MCTP2: variants seen among roughly 807,000 people sequenced by gnomAD.
MCTP2 encodes the protein multiple C2 and transmembrane domain-containing protein 2.
Under a neutral mutation model 111.6 loss-of-function variants are expected in MCTP2, and 132 were observed. The ratio of observed to expected loss-of-function variants is 1.18; its 90% confidence interval spans 1.03 to 1.37. The LOEUF (loss-of-function observed/expected upper bound fraction) is 1.37, where lower values mean the gene tolerates loss of function less well. Among genes scored for constraint, MCTP2 ranks in the 40% most tolerant of loss-of-function variants. MCTP2 has a pLI of 0.00. For synonymous variants in MCTP2, 395 were observed against 387.7 expected (o/e 1.02, Z -0.22); for missense variants, 1,183 against 1,067.9 (o/e 1.11, Z -1.50).
intron 4 of MCTP2, among the ~76,000 whole-genome samples, chr15:94,324,315 C>T (rs983669319): frequency 1.3e-5 from 2 of 152,194 alleles, no homozygotes; most frequent in Non-Finnish European, 2.9e-5. Flanking sequence ...AAACAATAGC[C>T]CTCGCTTTAA....
At chr15:94,382,014 C>A (rs1022887827) in intron 12 of MCTP2, among the ~76,000 whole-genome samples, 4 of 152,370 alleles carry the variant, frequency 2.6e-5, no homozygotes, top group Admixed American at 2.6e-4. Flanking sequence ...CACTTTCATT[C>A]ACAGAAGCTA....
chr15:94,265,299 G>A (rs1369848490), intron 1 of MCTP2, among the ~76,000 whole-genome samples: 1 of 152,144 alleles, frequency 6.6e-6, no homozygotes, highest in Non-Finnish European at 1.5e-5. Context: ...AAAGGCAACA[G>A]GGGTTATATG....
chr15:94,313,675 T>C (rs2076249584), intron 2 of MCTP2, among the ~76,000 whole-genome samples: 1 of 151,706 alleles, frequency 6.6e-6, no homozygotes, highest in African/African-American at 2.4e-5. Flanking sequence ...CACTCCAGCC[T>C]GGGCGACAGA....
chr15:94,404,304 GT>G (rs796532680), intron 17 of MCTP2, among the ~76,000 whole-genome samples: 18,255 of 136,502 alleles, frequency 0.13, 977 homozygotes, highest in African/African-American at 0.18. Flanking sequence ...ATTTTTTATT[GT>G]TTTTTTTTTT....
chr15:94,235,973 A>G (rs146889428), intron 1 of MCTP2, among the ~76,000 whole-genome samples: 215 of 152,392 alleles, frequency 1.4e-3, no homozygotes, highest in African/African-American at 4.9e-3. Flanking sequence ...TTTCCAAACT[A>G]GGAAGGAAGA....
chr15:94,311,868 G>A (rs1263811954), intron 2 of MCTP2, among the ~76,000 whole-genome samples: 1 of 152,164 alleles, frequency 6.6e-6, no homozygotes, highest in Non-Finnish European at 1.5e-5. Context: ...ATTCAGTACA[G>A]TGAGGACAAC....
At chr15:94,382,575 A>C (rs140773285) in intron 12 of MCTP2, among the ~76,000 whole-genome samples, 1 of 152,342 alleles carries the variant, frequency 6.6e-6, no homozygotes, top group Admixed American at 6.5e-5. Flanking sequence ...TTAAACAATA[A>C]TCTTCATACA....
chr15:94,252,390 T>C lies in MCTP2; in HGVS notation c.-66+20726T>C, dbSNP rs754648757. 3.9e-5 allele frequency among the ~76,000 whole-genome samples: 6 copies of C among 152,200 alleles called. No individual in the cohort carries two copies. In the South Asian group the frequency reaches 6.2e-4, roughly 16 times the overall value. ...TTAGTGATATTGAGTATAACGTTTTTACAGAGCTTACTACAGTTGTAAGAC... is the reference window on the plus strand; with the variant it reads ...TTAGTGATATTGAGTATAACGTTTTCACAGAGCTTACTACAGTTGTAAGAC... On this transcript the variant is annotated intron_variant, in intron 1 of 22. Coordinates refer to ENST00000357742, the MANE Select transcript of MCTP2 (RefSeq NM_001385001.1).
chr15:94,347,643 T>G (rs1991896), intron 8 of MCTP2, among the ~76,000 whole-genome samples: 1 of 151,916 alleles, frequency 6.6e-6, no homozygotes, highest in Non-Finnish European at 1.5e-5. Flanking sequence ...AGGGTTGAAT[T>G]CGACACCTAG....
chr15:94,475,096 A>G (rs961595632), intron 21 of MCTP2, among the ~76,000 whole-genome samples: 5 of 152,166 alleles, frequency 3.3e-5, no homozygotes, highest in African/African-American at 1.2e-4. Context: ...GTCTCCCTTC[A>G]TCATTTTGCC....
At chr15:94,310,757 T>C (rs966574007) in intron 2 of MCTP2, among the ~76,000 whole-genome samples, 18 of 151,116 alleles carry the variant, frequency 1.2e-4, no homozygotes, top group Non-Finnish European at 2.5e-4. Flanking sequence ...TAAAAATTTT[T>C]ATATTCTAAA....
intron 1 of MCTP2, among the ~76,000 whole-genome samples, chr15:94,244,197 T>G (rs1042132426): frequency 2.0e-4 from 28 of 142,554 alleles, no homozygotes; most frequent in African/African-American, 5.3e-4. Flanking sequence ...TATGTTTATA[T>G]ACACGTGTAT....
At chr15:94,243,669 A>G (rs537635463) in intron 1 of MCTP2, among the ~76,000 whole-genome samples, 39 of 148,356 alleles carry the variant, frequency 2.6e-4, no homozygotes, top group African/African-American at 4.0e-4. Flanking sequence ...ATGCGTATAT[A>G]TACACATATA....
chr15:94,419,544 G>T (rs117200296), intron 17 of MCTP2, among the ~76,000 whole-genome samples: 1 of 151,966 alleles, frequency 6.6e-6, no homozygotes, highest in Non-Finnish European at 1.5e-5. Flanking sequence ...TCCATTATTG[G>T]TGTCTCTTTC....
At chr15:94,360,563 C>A (rs1337588255) in intron 10 of MCTP2, among the ~76,000 whole-genome samples, 1 of 152,166 alleles carries the variant, frequency 6.6e-6, no homozygotes, top group African/African-American at 2.4e-5. Context: ...GGAACAGGGG[C>A]CTCCTGTGAT....
intron 4 of MCTP2, among the ~76,000 whole-genome samples, chr15:94,325,881 G>A (rs1179290567): frequency 1.4e-5 from 2 of 140,338 alleles, no homozygotes; most frequent in Non-Finnish European, 3.0e-5. Flanking sequence ...GTACAGTGGC[G>A]CGATCTCGGC....
Position 94,442,105 on chromosome 15 carries a change from G to C in MCTP2, c.2209-814G>C, listed in dbSNP as rs534752870. 4.6e-5 allele frequency among the ~76,000 whole-genome samples: 7 copies of C among 152,312 alleles called. No homozygotes were observed. In the South Asian group the frequency reaches 1.5e-3, roughly 32 times the overall value. On this transcript the variant is annotated intron_variant, in intron 18 of 22. Transcript: ENST00000357742. ...AGTGGAACAGTGACATCTGAACAGC[G>C]TGCCTGACCTTTGCAAGGTTAAGCA...
intron 4 of MCTP2, among the ~76,000 whole-genome samples, chr15:94,332,553 G>T (rs2077177841): frequency 6.6e-6 from 1 of 152,176 alleles, no homozygotes; most frequent in Admixed American, 6.5e-5. Flanking sequence ...AATAATTGTT[G>T]ACTTGAATTT....
intron 2 of MCTP2, among the ~76,000 whole-genome samples, chr15:94,311,285 C>A (rs923154532): frequency 1.4e-5 from 2 of 147,162 alleles, no homozygotes; most frequent in Non-Finnish European, 2.9e-5. Flanking sequence ...CCTTGGCCTC[C>A]CAAAGTGCTG....
Sources: allele counts gnomAD v4.1 joint callset (sites outside exome capture counted in the v4.1 genomes callset), GRCh38; gene constraint gnomAD v4.1.1; transcripts MANE v1.5; gene names NCBI Gene and HGNC (gene_info 2026-07-23, HGNC 2026-07-21).